Variants in LAMP2 observed in about 807,000 individuals in gnomAD.
LAMP2 encodes lysosome-associated membrane glycoprotein 2.
LAMP2 carries 4 observed loss-of-function variants against 25.6 expected under a neutral mutation model. That is an observed-to-expected ratio of 0.16 (90% CI 0.08 to 0.36). LAMP2 has a LOEUF of 0.36. Ranked by LOEUF, LAMP2 falls within the 10% of genes least tolerant of loss-of-function variation. The pLI is 1.00. For synonymous variants in LAMP2, 108 were observed against 112.7 expected, an observed-to-expected ratio of 0.96 and a Z score of 0.27; for missense variants, 272 against 301.4, an observed-to-expected ratio of 0.90 and a Z score of 0.72.
rs770959886 is a variant in LAMP2 at position 120,430,249 on chromosome X, G to C, written c.*1074C>G. The C allele has an allele frequency of 1.3e-6, 1 of 753,175 alleles. No homozygotes were observed. Among genetic ancestry groups the C allele is most frequent in the African/African-American group, 2.3e-5 (1 of 43,445 alleles). 62.1% of individuals were successfully genotyped at this position (753,175 alleles called of 1,213,427 possible). On this transcript the variant is annotated 3_prime_UTR_variant, in exon 9 of 9. Coordinates refer to ENST00000200639, the MANE Select transcript of LAMP2 (RefSeq NM_002294.3). ...TATACCATGGAATATGCTTCAACAA[G>C]GGCTGATTATCTAGCTCATTTTAAT...
intron 3 of LAMP2, 127 bp downstream of exon 3, chrX:120,455,230 G>T: frequency 3.6e-6 from 2 of 562,688 alleles, no homozygotes; most frequent in Middle Eastern, 5.0e-4. Flanking sequence ...CAGTGGGAGG[G>T]TTATAAAGAC....
chrX:120,437,744 T>C, intron 8 of LAMP2: 1 of 748,567 alleles, frequency 1.3e-6, no homozygotes, highest in East Asian at 1.5e-4. Context: ...GAAAGCCAAA[T>C]TAGTGATGTT....
intron 8 of LAMP2, 103 bp downstream of exon 8, chrX:120,441,627 T>C (rs755853306): frequency 5.7e-6 from 4 of 701,005 alleles, no homozygotes; most frequent in Non-Finnish European, 8.9e-6. Flanking sequence ...AGGCTATGAA[T>C]TCATATTCCT....
chrX:120,439,133 G>A, intron 8 of LAMP2: 1 of 1,209,382 alleles, frequency 8.3e-7, no homozygotes, highest in Non-Finnish European at 1.1e-6. Context: ...TTTTGTAACA[G>A]AGATCACGTA....
At position 120,429,082 on chromosome X, in the gene LAMP2, A is replaced by G; in HGVS notation, c.*2241T>C. The G allele has an allele frequency of 1.9e-6, 1 of 539,624 alleles. No homozygotes were observed. The highest frequency in any genetic ancestry group is 2.2e-6 in the Non-Finnish European group (1 of 446,103). The allele number at this position is 539,624 out of a possible 1,213,427, so 44.5% of individuals were successfully genotyped here. A position where few individuals can be genotyped will look rare whatever the true frequency, so the allele number is the denominator to read the frequency against. ...GAATGTAGTATATATATACATATAT[A>G]TGTGTGTGTATATATATGTGTATAT... On this transcript the variant is annotated 3_prime_UTR_variant, in exon 9 of 9. Coordinates refer to ENST00000200639, the MANE Select transcript of LAMP2 (RefSeq NM_002294.3).
Position 120,455,381 on chromosome X carries a change from T to C in LAMP2, c.373A>G (p.Thr125Ala), listed in dbSNP as rs748494547. 4.2e-6 allele frequency: 5 copies of C among 1,203,641 alleles called. No individual in the cohort carries two copies. The highest frequency in any genetic ancestry group is 2.2e-5 in the Admixed American group (1 of 45,528). ...SFSYNTGDNT[T>A]FPDAEDKGIL... ...CCTTTATCTTCAGCATCAGGAAATG[T>C]TGTGTTATCACCAGTGTTGTAGGAA... The change falls in exon 3 of 9, where the codon ACA becomes GCA. Residue 125 changes from threonine (T) to alanine (A), a missense_variant. By Grantham distance (58) the Thr-to-Ala change is moderately conservative. Coordinates refer to ENST00000200639, the MANE Select transcript of LAMP2 (RefSeq NM_002294.3).
At position 120,428,404 on chromosome X, in the gene LAMP2, T is replaced by G. The variant is rs780640930; in HGVS notation, c.*2919A>C. ...AGTCTGCATATCTTAAACAATCTAT[T>G]GCACAGCATGTCCTGGCTTTTAGCC... On this transcript the variant is annotated 3_prime_UTR_variant, in exon 9 of 9. Coordinates refer to ENST00000200639, the MANE Select transcript of LAMP2 (RefSeq NM_002294.3). The G allele has an allele frequency of 7.5e-5, 83 of 1,099,855 alleles. No individual in the cohort carries two copies. Among genetic ancestry groups the G allele is most frequent in the Non-Finnish European group, 9.7e-5 (82 of 844,840 alleles). The allele number at this position is 1,099,855 out of a possible 1,213,427, so 90.6% of individuals were successfully genotyped here. A position where few individuals can be genotyped will look rare whatever the true frequency, so the allele number is the denominator to read the frequency against.
At chrX:120,455,764 T>C (rs1921066602) in intron 2 of LAMP2, among the ~76,000 whole-genome samples, 194 bp from the exon 3 acceptor site, 1 of 109,223 alleles carries the variant, frequency 9.2e-6, no homozygotes, top group African/African-American at 3.3e-5. Flanking sequence ...CGTGTATGTC[T>C]AAAAAGAAAA....
chrX:120,460,632 TCA>T (rs1213007750), intron 1 of LAMP2, among the ~76,000 whole-genome samples: 1 of 112,487 alleles, frequency 8.9e-6, no homozygotes, highest in Non-Finnish European at 1.9e-5. Flanking sequence ...CAGTCTGTGC[TCA>T]CTGCTGTATA....
intron 6 of LAMP2, among the ~76,000 whole-genome samples, chrX:120,444,011 A>AGAAGGAAG (rs768928726): frequency 9.1e-6 from 1 of 109,328 alleles, no homozygotes; most frequent in Admixed American, 9.8e-5. Flanking sequence ...AAAAGAAGAA[A>AGAAGGAAG]GAAGGAAGGA....
rs531229031 is a variant in LAMP2, at chrX:120,443,361, C to T, written c.865-699G>A. ...TTTGAGAGAGCAAGAGTATAAATAA[C>T]GGTAGTTAGAAAATAAGCATAATCT... On this transcript the variant is annotated intron_variant, in intron 6 of 8. Coordinates refer to ENST00000200639, the MANE Select transcript of LAMP2 (RefSeq NM_002294.3). Among the ~76,000 whole-genome samples, 11 of 111,681 alleles carry T rather than the reference C, an allele frequency of 9.8e-5. No homozygotes were observed. In the South Asian group the frequency reaches 2.6e-3, roughly 27 times the overall value.
At chrX:120,458,629 C>G (rs1374397473) in intron 1 of LAMP2, among the ~76,000 whole-genome samples, 1 of 111,236 alleles carries the variant, frequency 9.0e-6, no homozygotes, top group African/African-American at 3.3e-5. Flanking sequence ...CACTTTTACT[C>G]AATATCTCTC....
chrX:120,427,427 G>C lies in LAMP2; in HGVS notation c.*3896C>G, dbSNP rs1055691874. Reference sequence around the variant, plus strand: ...GCCGGAGCCATTAGCAGTCCCTACAGGGATATAAGTCTATATCAAGATCAA... The same window carrying C: ...GCCGGAGCCATTAGCAGTCCCTACACGGATATAAGTCTATATCAAGATCAA... On this transcript the variant is annotated 3_prime_UTR_variant, in exon 9 of 9. Transcript: ENST00000200639. Among the ~76,000 whole-genome samples the C allele has an allele frequency of 1.8e-5, 2 of 111,159 alleles. No individual in the cohort carries two copies. The highest frequency in any genetic ancestry group is 6.5e-5 in the African/African-American group (2 of 30,573).
At position 120,429,290 on chromosome X, in the gene LAMP2, A is replaced by AT; in HGVS notation, c.*2032dup. 2 of 731,184 alleles carry AT rather than the reference A, an allele frequency of 2.7e-6. No individual in the cohort carries two copies. The highest frequency in any genetic ancestry group is 3.2e-6 in the Non-Finnish European group (2 of 633,496). The allele number at this position is 731,184 out of a possible 1,213,427, so 60.3% of individuals were successfully genotyped here. ...CAGGAAAGCAACATGTGCAATGTAGATTTTGAGTTCTGGATTCAGACAGAA... is the reference window on the plus strand; with the variant it reads ...CAGGAAAGCAACATGTGCAATGTAGATTTTTGAGTTCTGGATTCAGACAGAA... On this transcript the variant is annotated 3_prime_UTR_variant, in exon 9 of 9. Transcript: ENST00000200639.
chrX:120,440,548 T>C (rs2058567247), intron 8 of LAMP2, among the ~76,000 whole-genome samples: 1 of 112,065 alleles, frequency 8.9e-6, no homozygotes, highest in Admixed American at 9.5e-5. Context: ...TCTATGTACA[T>C]AAAAACCAAA....
chrX:120,458,256 G>C (rs530304343), intron 1 of LAMP2, among the ~76,000 whole-genome samples: 4 of 111,612 alleles, frequency 3.6e-5, no homozygotes, highest in African/African-American at 1.3e-4. Flanking sequence ...TATTCTCCTT[G>C]TATTCAAAAC....
chrX:120,447,642 G>A (rs1010311758), intron 5 of LAMP2, among the ~76,000 whole-genome samples, 199 bp downstream of exon 5: 41 of 110,678 alleles, frequency 3.7e-4, no homozygotes, highest in African/African-American at 1.1e-3. Flanking sequence ...CCCGGGAGGC[G>A]GAGTTTGCAG....
chrX:120,434,422 A>G (rs1179700510), intron 8 of LAMP2, among the ~76,000 whole-genome samples: 2 of 111,993 alleles, frequency 1.8e-5, no homozygotes, highest in African/African-American at 6.5e-5. Context: ...ATTTATAATA[A>G]CTATTGATTG....
rs374747108 is a variant in LAMP2 at position 120,469,073 on chromosome X, G to T, written c.64+33C>A. On this transcript the variant is annotated intron_variant, in intron 1 of 8. Coordinates refer to ENST00000200639, the MANE Select transcript of LAMP2 (RefSeq NM_002294.3). The stretch of plus-strand genomic sequence containing the variant: ...TTGAACTGGTGCCCCGGGCCCAGGC[G>T]GACAGACTAATCGGGAGGGCCCGAC... 37 of 1,193,224 alleles carry T rather than the reference G, an allele frequency of 3.1e-5. No individual in the cohort carries two copies. The South Asian group carries it at 6.2e-4, about 20-fold the overall frequency.
Sources: gnomAD v4.1 joint callset for allele counts (sites outside exome capture counted in the v4.1 genomes callset) on GRCh38, gnomAD v4.1.1 for gene constraint, MANE v1.5 for transcripts, NCBI Gene and HGNC (gene_info 2026-07-23, HGNC 2026-07-21) for gene names.